FCHSD2: variants seen among roughly 807,000 people sequenced by gnomAD.
The protein encoded by FCHSD2 is F-BAR and double SH3 domains protein 2.
FCHSD2 carries 38 observed loss-of-function variants against 108.1 expected under a neutral mutation model. That is an observed-to-expected ratio of 0.35 (90% CI 0.27 to 0.46). FCHSD2 has a LOEUF of 0.46. Ranked by LOEUF, FCHSD2 falls within the 20% of genes least tolerant of loss-of-function variation. The probability of loss-of-function intolerance (pLI) is 1.00; values close to 1 mark genes in which losing one functional copy is unlikely to be tolerated. For missense variants in FCHSD2, 751 were observed against 897.8 expected (o/e 0.84, Z 2.09); for synonymous variants, 279 against 314.7 (o/e 0.89, Z 1.20).
chr11:73,063,946 G>A (rs951407247), intron 3 of FCHSD2, among the ~76,000 whole-genome samples: 1 of 152,102 alleles, frequency 6.6e-6, no homozygotes, highest in African/African-American at 2.4e-5. Flanking sequence ...AGACCTAATA[G>A]GCACCTACAG....
chr11:72,996,665 AC>A (rs1200870494), intron 5 of FCHSD2, among the ~76,000 whole-genome samples: 1 of 152,218 alleles, frequency 6.6e-6, no homozygotes, highest in Non-Finnish European at 1.5e-5. Flanking sequence ...CTTTAAAAAA[AC>A]ATGAACTTTA....
intron 8 of FCHSD2, among the ~76,000 whole-genome samples, chr11:72,938,449 G>C (rs1395770965): frequency 6.6e-6 from 1 of 152,212 alleles, no homozygotes; most frequent in African/African-American, 2.4e-5. Flanking sequence ...AGTTAAGGGT[G>C]TTCAAAGCAG....
intron 8 of FCHSD2, among the ~76,000 whole-genome samples, chr11:72,945,692 C>T (rs1490817023): frequency 6.6e-6 from 1 of 152,030 alleles, no homozygotes; most frequent in African/African-American, 2.4e-5. Context: ...TGAACTCAAA[C>T]AAATTTACAA....
chr11:72,917,707 G>A (rs964245683), intron 9 of FCHSD2, among the ~76,000 whole-genome samples: 10 of 152,126 alleles, frequency 6.6e-5, no homozygotes, highest in Admixed American at 1.3e-4. Context: ...CTAACATGAC[G>A]AAACCCCGTC....
rs577209182 is a variant in FCHSD2 at position 72,961,891 on chromosome 11, G to A, written c.705+22197C>T. ...ACCCCTTTTCACTCTATTTCAACTC[G>A]ATGTGTAAATGCCACATTTCGTAAC... On this transcript the variant is annotated intron_variant, in intron 8 of 19. Coordinates refer to ENST00000409418, the MANE Select transcript of FCHSD2 (RefSeq NM_014824.3). 3.3e-5 allele frequency among the ~76,000 whole-genome samples: 5 copies of A among 152,236 alleles called. 1 individual carries two copies. Among genetic ancestry groups the A allele is most frequent in the African/African-American group, 1.2e-4 (5 of 41,544 alleles).
intron 12 of FCHSD2, 47 bp from the exon 13 acceptor site, chr11:72,868,073 CA>C: frequency 6.6e-7 from 1 of 1,523,304 alleles, no homozygotes; most frequent in Admixed American, 2.1e-5. Context: ...TTATTATTCA[CA>C]ATAGCAAAGA....
chr11:73,093,258 G>A (rs1476719077), intron 2 of FCHSD2, among the ~76,000 whole-genome samples: 5 of 152,106 alleles, frequency 3.3e-5, no homozygotes, highest in Non-Finnish European at 5.9e-5. Context: ...CTCTTCCCTT[G>A]GCTGATTTTA....
At chr11:72,987,598 G>A (rs937534521) in intron 6 of FCHSD2, among the ~76,000 whole-genome samples, 1 of 152,164 alleles carries the variant, frequency 6.6e-6, no homozygotes, top group African/African-American at 2.4e-5. Flanking sequence ...CTAGCTTGCT[G>A]TATCCCCTCT....
At chr11:72,955,752 T>A (rs879391394) in intron 8 of FCHSD2, among the ~76,000 whole-genome samples, 3 of 151,978 alleles carry the variant, frequency 2.0e-5, no homozygotes, top group Non-Finnish European at 4.4e-5. Flanking sequence ...GGAACTGGGG[T>A]CAGAGACCAA....
At chr11:72,934,246 A>G (rs1432561170) in intron 8 of FCHSD2, among the ~76,000 whole-genome samples, 3 of 152,108 alleles carry the variant, frequency 2.0e-5, no homozygotes, top group African/African-American at 7.2e-5. Context: ...TAAATGAGCA[A>G]AACACAAGAA....
chr11:72,991,082 A>G (rs1461526185), intron 5 of FCHSD2, among the ~76,000 whole-genome samples: 1 of 152,156 alleles, frequency 6.6e-6, no homozygotes, highest in Non-Finnish European at 1.5e-5. Flanking sequence ...TACTATAAAC[A>G]CCTCTACGCA....
At chr11:73,120,901 G>C (rs1465695866) in intron 2 of FCHSD2, among the ~76,000 whole-genome samples, 7 of 151,264 alleles carry the variant, frequency 4.6e-5, no homozygotes, top group Non-Finnish European at 8.8e-5. Context: ...GATGTTATGG[G>C]AACACACAGG....
intron 2 of FCHSD2, among the ~76,000 whole-genome samples, chr11:73,124,361 T>C (rs1860804154): frequency 6.6e-6 from 1 of 152,022 alleles, no homozygotes; most frequent in Admixed American, 6.6e-5. Flanking sequence ...TATACATATA[T>C]AACAAACCTG....
chr11:73,060,622 T>C (rs574223082), intron 3 of FCHSD2, among the ~76,000 whole-genome samples: 21 of 152,274 alleles, frequency 1.4e-4, no homozygotes, highest in African/African-American at 2.9e-4. Context: ...CTTTGATGGA[T>C]TGTCCACTCA....
chr11:73,070,864 G>T (rs1041979717), intron 3 of FCHSD2, among the ~76,000 whole-genome samples: 1 of 152,024 alleles, frequency 6.6e-6, no homozygotes, highest in Admixed American at 6.5e-5. Flanking sequence ...CTCAGTAAAA[G>T]CAGTCTGCTG....
intron 2 of FCHSD2, among the ~76,000 whole-genome samples, chr11:73,121,991 T>TA (rs890771383): frequency 6.6e-6 from 1 of 152,170 alleles, no homozygotes; most frequent in African/African-American, 2.4e-5. Context: ...AATGTTTCAT[T>TA]AAAAAATTGA....
chr11:73,018,971 T>C (rs973769998), intron 3 of FCHSD2, among the ~76,000 whole-genome samples: 8 of 152,206 alleles, frequency 5.3e-5, no homozygotes, highest in Non-Finnish European at 1.2e-4. Flanking sequence ...TAACTCATTA[T>C]CTGTAGAGAA....
At chr11:73,002,820 TTTGTTAG>T (rs1012428320) in intron 4 of FCHSD2, among the ~76,000 whole-genome samples, 2 of 152,178 alleles carry the variant, frequency 1.3e-5, no homozygotes, top group African/African-American at 4.8e-5. Flanking sequence ...CAAGTTATTC[TTTGTTAG>T]TTGTTCTTGG....
In FCHSD2 at chr11:72,902,642, A is replaced by G; in HGVS notation, c.829-4T>C. 1.9e-6 allele frequency: 3 copies of G among 1,549,054 alleles called. No individual in the cohort carries two copies. The highest frequency in any genetic ancestry group is 2.6e-6 in the Non-Finnish European group (3 of 1,142,428). The stretch of plus-strand genomic sequence containing the variant: ...GAAGATTGTAGTCCCGGACCACCTA[A>G]AGAGAAAATAAAATATCTTTAGGTC... On this transcript the variant is annotated splice_region_variant and splice_polypyrimidine_tract_variant and intron_variant, in intron 9 of 19. Transcript: ENST00000409418.
Sources: allele counts gnomAD v4.1 joint callset (sites outside exome capture counted in the v4.1 genomes callset), GRCh38; gene constraint gnomAD v4.1.1; transcripts MANE v1.5; gene names NCBI Gene and HGNC (gene_info 2026-07-23, HGNC 2026-07-21).